The following HEATR4 variants were observed in gnomAD, a reference collection of about 807,000 sequenced individuals.
The protein encoded by HEATR4 is HEAT repeat containing 4, also known as HEAT repeat-containing protein 4.
A neutral mutation model predicts 108.8 loss-of-function variants in HEATR4; 95 were observed. The observed-to-expected ratio is 0.87, with a 90% CI of 0.74 to 1.04. The LOEUF is 1.04. Ranked by LOEUF, HEATR4 falls within the 50% of genes least tolerant of loss-of-function variation. The pLI, the probability that HEATR4 is intolerant of heterozygous loss-of-function variation, is 0.00. For missense variants in HEATR4, 1,152 were observed against 1,253.8 expected (o/e 0.92, Z 1.23); for synonymous variants, 443 against 459.4 (o/e 0.96, Z 0.46).
the HEATR4 span, chr14:73,613,079 C>T: frequency 3.6e-6 from 2 of 559,586 alleles, no homozygotes. Context: ...CCACCGGCCC[C>T]TTTCCTGTCC....
rs765199935 is a variant in HEATR4 at position 73,519,103 on chromosome 14, A to G, written c.1130T>C (p.Leu377Pro). ...AKRDQIVLEN[L>P]NRYNKQLSKV... ...AGATAGCTGCTTGTTGTACCGATTT[A>G]GGTTTTCCAGGACAATCTGGTCTCT... The change falls in exon 5 of 18, where the codon CTA becomes CCA. Residue 377 changes from leucine (L) to proline (P), a missense_variant. Coordinates refer to ENST00000553558, the MANE Select transcript of HEATR4 (RefSeq NM_001220484.1). The G allele has an allele frequency of 3.7e-6, 6 of 1,614,026 alleles. No homozygotes were observed. The highest frequency in any genetic ancestry group is 5.1e-6 in the Non-Finnish European group (6 of 1,179,940).
the HEATR4 span, chr14:73,619,467 T>A: frequency 6.2e-7 from 1 of 1,614,192 alleles, no homozygotes; most frequent in East Asian, 2.2e-5. Context: ...CTTGGAGCAA[T>A]CCACTGGAGG....
the HEATR4 span, among the ~76,000 whole-genome samples, chr14:73,590,243 T>C: frequency 0.041 from 6,282 of 152,246 alleles, 152 homozygotes; most frequent in Admixed American, 0.072. Flanking sequence ...ATCCCTGAGC[T>C]AGACACAAAA....
chr14:73,537,808 C>G, intron 1 of HEATR4: 1 of 1,217,396 alleles, frequency 8.2e-7, no homozygotes, highest in Non-Finnish European at 1.1e-6. Context: ...AGCGCTACTT[C>G]CTCCCGCCCG....
At chr14:73,612,730 T>C in the HEATR4 span, 1 of 1,374,992 alleles carries the variant, frequency 7.3e-7, no homozygotes, top group Non-Finnish European at 9.3e-7. Context: ...CGCGCTACCG[T>C]GCCGACGCCC....
At chr14:73,616,812 C>A in the HEATR4 span, 4 of 535,434 alleles carry the variant, frequency 7.5e-6, no homozygotes, top group Admixed American at 1.4e-4. Flanking sequence ...GAGTAGTATA[C>A]ATTGTACCCA....
the HEATR4 span, among the ~76,000 whole-genome samples, chr14:73,622,654 C>T: frequency 0.024 from 3,607 of 152,184 alleles, 144 homozygotes; most frequent in African/African-American, 0.083. Context: ...CTGCCTTGGT[C>T]TCCCAAAGTG....
chr14:73,618,827 A>T, the HEATR4 span, among the ~76,000 whole-genome samples: 5 of 152,074 alleles, frequency 3.3e-5, no homozygotes, highest in Admixed American at 2.6e-4. Flanking sequence ...AAGGAAAGCA[A>T]ATGATAGTTA....
chr14:73,521,056 AAGG>A lies in HEATR4; in HGVS notation c.882-20_882-18del. 6.2e-7 allele frequency: 1 copy of A among 1,606,420 alleles called. No individual in the cohort carries two copies. On this transcript the variant is annotated intron_variant, in intron 3 of 17. Coordinates refer to ENST00000553558, the MANE Select transcript of HEATR4 (RefSeq NM_001220484.1). ...CTGGGCAATCTTGGCAGGGGTGAGA[AAGG>A]AGGGAAAAGGGGGAAAGAGTAGGAG...
the HEATR4 span, among the ~76,000 whole-genome samples, chr14:73,626,748 G>T: frequency 6.8e-6 from 1 of 146,352 alleles, no homozygotes; most frequent in African/African-American, 2.5e-5. Flanking sequence ...GATAACTGAT[G>T]AAGGTGGCTA....
chr14:73,480,269 C>T (rs1247459157), intron 17 of HEATR4, among the ~76,000 whole-genome samples: 1 of 151,972 alleles, frequency 6.6e-6, no homozygotes, highest in Non-Finnish European at 1.5e-5. Context: ...TGGTGAAACC[C>T]CATCTCTACT....
At chr14:73,590,045 C>T in the HEATR4 span, among the ~76,000 whole-genome samples, 1 of 152,138 alleles carries the variant, frequency 6.6e-6, no homozygotes, top group Non-Finnish European at 1.5e-5. Context: ...ACTGAGCTAC[C>T]TTTATTACAA....
upstream of HEATR4, among the ~76,000 whole-genome samples, chr14:73,560,776 T>C (rs948170020): frequency 1.3e-5 from 2 of 151,964 alleles, no homozygotes; most frequent in African/African-American, 2.4e-5. Context: ...ATGATGGCAC[T>C]ACTGCACCCC....
At chr14:73,577,576 T>A in the HEATR4 span, among the ~76,000 whole-genome samples, 10 of 149,910 alleles carry the variant, frequency 6.7e-5, no homozygotes, top group South Asian at 2.1e-4. Context: ...TTATATAGTA[T>A]ATGACTCTCT....
chr14:73,602,565 A>G, the HEATR4 span, among the ~76,000 whole-genome samples: 1 of 152,158 alleles, frequency 6.6e-6, no homozygotes, highest in Non-Finnish European at 1.5e-5. Context: ...CACTAGAGGC[A>G]AGTTGCCTCC....
the HEATR4 span, among the ~76,000 whole-genome samples, chr14:73,577,587 T>TA: frequency 6.6e-6 from 1 of 150,454 alleles, no homozygotes; most frequent in Non-Finnish European, 1.5e-5. Context: ...ATGACTCTCT[T>TA]AGAAAAGTGC....
chr14:73,546,902 T>C (rs1188282384), intron 1 of HEATR4, among the ~76,000 whole-genome samples: 3 of 77,514 alleles, frequency 3.9e-5, no homozygotes, highest in African/African-American at 9.2e-5. Flanking sequence ...GCCTGACCAA[T>C]ATGATGAAAC....
At chr14:73,623,890 G>C in the HEATR4 span, among the ~76,000 whole-genome samples, 1 of 151,944 alleles carries the variant, frequency 6.6e-6, no homozygotes, top group Admixed American at 6.6e-5. Context: ...CACACGCTAG[G>C]CCTCTGTCCC....
chr14:73,623,861 T>C, the HEATR4 span, among the ~76,000 whole-genome samples: 25 of 152,018 alleles, frequency 1.6e-4, no homozygotes, highest in Non-Finnish European at 1.0e-4. Context: ...TTCCTGCTTC[T>C]CTCTCGCCAT....
Sources: allele counts gnomAD v4.1 joint callset (sites outside exome capture counted in the v4.1 genomes callset), GRCh38; gene constraint gnomAD v4.1.1; transcripts MANE v1.5; gene names NCBI Gene and HGNC (gene_info 2026-07-23, HGNC 2026-07-21).